ROBO1: variants seen among roughly 807,000 people sequenced by gnomAD.
The protein encoded by ROBO1 is roundabout guidance receptor 1, also known as roundabout homolog 1.
In ROBO1, 149 loss-of-function variants were observed where a neutral mutation model predicts 195.9. The ratio of observed to expected loss-of-function variants is 0.76; its 90% CI spans 0.67 to 0.87. The LOEUF (loss-of-function observed/expected upper bound fraction) is 0.87, where lower values mean the gene tolerates loss of function less well. Ranked by LOEUF, ROBO1 falls within the 40% of genes least tolerant of loss-of-function variation. ROBO1 has a pLI of 0.00. For missense variants in ROBO1, 1,933 were observed against 2,068.3 expected (o/e 0.93, Z 1.27); for synonymous variants, 816 against 733.2 (o/e 1.11, Z -1.82).
chr3:79,703,137 C>T (rs545208364), intron 1 of ROBO1, among the ~76,000 whole-genome samples: 2 of 151,836 alleles, frequency 1.3e-5, no homozygotes, highest in African/African-American at 4.8e-5. Flanking sequence ...AATAGTTGTG[C>T]CCTATTAGCA....
intron 2 of ROBO1, among the ~76,000 whole-genome samples, chr3:79,495,081 C>T (rs993442996): frequency 1.4e-4 from 21 of 152,096 alleles, no homozygotes; most frequent in African/African-American, 4.6e-4. Flanking sequence ...AGAATGTATA[C>T]TCTGAAAGCC....
chr3:78,885,412 T>TTA (rs767390376), intron 4 of ROBO1, among the ~76,000 whole-genome samples: 2 of 53,702 alleles, frequency 3.7e-5, no homozygotes, highest in African/African-American at 1.5e-4. Flanking sequence ...AATTTAAAAC[T>TTA]AAAAAAAAAA....
intron 5 of ROBO1, among the ~76,000 whole-genome samples, chr3:78,740,158 T>A (rs1052406007): frequency 2.0e-5 from 3 of 152,084 alleles, no homozygotes; most frequent in African/African-American, 7.2e-5. Context: ...ACTATTATCA[T>A]CATCATCATC....
At chr3:79,297,518 G>C (rs982318079) in intron 2 of ROBO1, among the ~76,000 whole-genome samples, 1 of 152,098 alleles carries the variant, frequency 6.6e-6, no homozygotes, top group Non-Finnish European at 1.5e-5. Flanking sequence ...TATCTGACTT[G>C]TGACTCACAC....
At chr3:79,395,051 C>T (rs1283177359) in intron 2 of ROBO1, among the ~76,000 whole-genome samples, 1 of 151,950 alleles carries the variant, frequency 6.6e-6, no homozygotes, top group South Asian at 2.1e-4. Context: ...CGGCCGGGCG[C>T]GGTGGCTCAC....
At chr3:79,372,292 C>T (rs575110146) in intron 2 of ROBO1, among the ~76,000 whole-genome samples, 10 of 151,850 alleles carry the variant, frequency 6.6e-5, no homozygotes, top group East Asian at 1.9e-4. Context: ...CTGCAACCTC[C>T]GCCTCCCGGG....
At chr3:79,426,962 A>G (rs969936227) in intron 2 of ROBO1, among the ~76,000 whole-genome samples, 6 of 152,148 alleles carry the variant, frequency 3.9e-5, no homozygotes, top group African/African-American at 1.4e-4. Context: ...AAAAACAAAA[A>G]GTCTATTAAA....
chr3:79,213,101 G>A (rs554325961), intron 2 of ROBO1, among the ~76,000 whole-genome samples: 53 of 151,398 alleles, frequency 3.5e-4, no homozygotes, highest in African/African-American at 6.1e-4. Context: ...AAAATTAGCC[G>A]GGCATGGTGG....
At position 78,597,681 on chromosome 3, in the gene ROBO1, T is replaced by C. The variant is rs1702909928; in HGVS notation, c.*1232A>G. ...GCCTCTATTAGAGATTTTAAGGAAATCTTGTAGGTTTCGACATTGGCCACA... is the reference window on the plus strand; with the variant it reads ...GCCTCTATTAGAGATTTTAAGGAAACCTTGTAGGTTTCGACATTGGCCACA... On this transcript the variant is annotated 3_prime_UTR_variant, in exon 31 of 31. Transcript: ENST00000464233. 1 of 152,340 alleles carries C rather than the reference T, an allele frequency of 6.6e-6. No homozygotes were observed. Among genetic ancestry groups the C allele is most frequent in the African/African-American group, 2.4e-5 (1 of 41,428 alleles). The allele number at this position is 152,340 out of a possible 1,614,324, so 9.4% of individuals were successfully genotyped here.
At chr3:79,727,204 A>G (rs2107330309) in intron 1 of ROBO1, among the ~76,000 whole-genome samples, 1 of 152,294 alleles carries the variant, frequency 6.6e-6, no homozygotes, top group East Asian at 1.9e-4. Flanking sequence ...GCAAACATTA[A>G]TTGAAGTCAA....
At chr3:78,854,185 C>T (rs1296772126) in intron 4 of ROBO1, among the ~76,000 whole-genome samples, 1 of 151,216 alleles carries the variant, frequency 6.6e-6, no homozygotes, top group African/African-American at 2.4e-5. Context: ...TTCAGTTTGC[C>T]TGCCCCCACA....
intron 2 of ROBO1, among the ~76,000 whole-genome samples, chr3:79,344,870 T>A (rs1431916140): frequency 6.6e-6 from 1 of 152,040 alleles, no homozygotes; most frequent in African/African-American, 2.4e-5. Context: ...GTGAGTGAGT[T>A]CTCATGGGAT....
At chr3:79,647,528 T>A (rs998361212) in intron 1 of ROBO1, among the ~76,000 whole-genome samples, 4 of 151,902 alleles carry the variant, frequency 2.6e-5, no homozygotes, top group African/African-American at 9.7e-5. Context: ...CCCCACACAG[T>A]GACATTTGGT....
chr3:78,952,391 T>C (rs1308076417), intron 3 of ROBO1, among the ~76,000 whole-genome samples: 1 of 150,534 alleles, frequency 6.6e-6, no homozygotes, highest in Non-Finnish European at 1.5e-5. Context: ...TATATTTATA[T>C]ATAGGTTCAA....
chr3:79,706,843 A>C (rs1947788088), intron 1 of ROBO1, among the ~76,000 whole-genome samples: 1 of 152,138 alleles, frequency 6.6e-6, no homozygotes. Context: ...CATCAACAGC[A>C]TGAAAATGTA....
intron 1 of ROBO1, among the ~76,000 whole-genome samples, chr3:79,651,631 C>T (rs960636033): frequency 6.6e-6 from 1 of 152,134 alleles, no homozygotes; most frequent in Admixed American, 6.6e-5. Context: ...AACGCTAGCA[C>T]CCCGGGAGAC....
intron 1 of ROBO1, among the ~76,000 whole-genome samples, chr3:79,687,045 C>A (rs1016791068): frequency 6.6e-6 from 1 of 152,042 alleles, no homozygotes; most frequent in African/African-American, 2.4e-5. Flanking sequence ...CAGAACAGAG[C>A]CCTCAGAAAT....
chr3:78,608,915 T>G (rs563688573), intron 28 of ROBO1, among the ~76,000 whole-genome samples: 4 of 152,088 alleles, frequency 2.6e-5, no homozygotes, highest in Non-Finnish European at 1.5e-5. Flanking sequence ...GAAGGAAGAC[T>G]GTAAGTTCAG....
intron 2 of ROBO1, among the ~76,000 whole-genome samples, chr3:79,252,683 A>T (rs1309327414): frequency 6.6e-6 from 1 of 152,148 alleles, no homozygotes; most frequent in African/African-American, 2.4e-5. Flanking sequence ...TTATGTATCA[A>T]GTATTAAGGT....
Sources: allele counts gnomAD v4.1 joint callset (sites outside exome capture counted in the v4.1 genomes callset), GRCh38; gene constraint gnomAD v4.1.1; transcripts MANE v1.5; gene names NCBI Gene and HGNC (gene_info 2026-07-23, HGNC 2026-07-21).